Variants in CNBD1 observed in about 807,000 individuals in gnomAD.
CNBD1 encodes cyclic nucleotide binding domain containing 1, also known as cyclic nucleotide-binding domain-containing protein 1.
A neutral mutation model predicts 54.4 loss-of-function variants in CNBD1; 71 were observed. The ratio of observed to expected loss-of-function variants is 1.30; its 90% CI spans 1.08 to 1.59. The LOEUF is 1.59. Ranked by LOEUF, CNBD1 falls within the 40% of genes most tolerant of loss-of-function variation. CNBD1 has a pLI of 0.00. For synonymous variants in CNBD1, 182 were observed against 170.7 expected (o/e 1.07, Z -0.51); for missense variants, 659 against 518.0 (o/e 1.27, Z -2.64).
intron 8 of CNBD1, among the ~76,000 whole-genome samples, chr8:87,301,330 T>C (rs1238929875): frequency 6.6e-6 from 1 of 152,010 alleles, no homozygotes; most frequent in Non-Finnish European, 1.5e-5. Context: ...GAAAGAACCC[T>C]CCTTAATTTA....
intron 6 of CNBD1, among the ~76,000 whole-genome samples, chr8:87,242,147 C>T (rs898069853): frequency 6.6e-6 from 1 of 152,064 alleles, no homozygotes; most frequent in Non-Finnish European, 1.5e-5. Context: ...CATAAAATGC[C>T]AACATGACAG....
At chr8:86,987,325 A>G (rs1349255349) in intron 4 of CNBD1, among the ~76,000 whole-genome samples, 1 of 152,156 alleles carries the variant, frequency 6.6e-6, no homozygotes, top group Non-Finnish European at 1.5e-5. Context: ...CTTATTGGAC[A>G]TAGAAATGCT....
At chr8:87,381,949 ATATTG>A (rs1378170868) in intron 10 of CNBD1, among the ~76,000 whole-genome samples, 7 of 151,966 alleles carry the variant, frequency 4.6e-5, no homozygotes, top group Admixed American at 4.6e-4. Flanking sequence ...ATAGTCAACA[ATATTG>A]TATTGTACAC....
chr8:87,330,771 G>T (rs1338008555), intron 8 of CNBD1, among the ~76,000 whole-genome samples: 2 of 152,152 alleles, frequency 1.3e-5, no homozygotes, highest in African/African-American at 4.8e-5. Context: ...AATGGATTAA[G>T]TAGATTATAG....
intron 8 of CNBD1, among the ~76,000 whole-genome samples, chr8:87,304,402 T>C (rs952280023): frequency 4.6e-5 from 7 of 151,598 alleles, no homozygotes; most frequent in East Asian, 2.0e-4. Flanking sequence ...AACCAAACAC[T>C]GCATGTTCTC....
chr8:87,378,851 C>G (rs1217806940), intron 10 of CNBD1, among the ~76,000 whole-genome samples: 2 of 149,592 alleles, frequency 1.3e-5, no homozygotes, highest in Non-Finnish European at 3.0e-5. Context: ...TTGTAGTTCT[C>G]CTTGAAAAGG....
At chr8:87,107,680 G>C (rs1811570424) in intron 4 of CNBD1, among the ~76,000 whole-genome samples, 1 of 151,998 alleles carries the variant, frequency 6.6e-6, no homozygotes, top group Non-Finnish European at 1.5e-5. Context: ...ATAAATATTT[G>C]AGTGACTGCA....
chr8:87,112,737 G>C (rs1811689064), intron 4 of CNBD1, among the ~76,000 whole-genome samples: 1 of 131,216 alleles, frequency 7.6e-6, no homozygotes. Flanking sequence ...CATCATGCCA[G>C]GGACTATCAG....
intron 6 of CNBD1, among the ~76,000 whole-genome samples, chr8:87,249,112 T>G (rs1807863157): frequency 6.6e-6 from 1 of 152,160 alleles, no homozygotes; most frequent in South Asian, 2.1e-4. Context: ...TCTCTGCTAA[T>G]GTGAATCTGT....
At chr8:86,956,846 G>A (rs1462491811) in intron 4 of CNBD1, among the ~76,000 whole-genome samples, 2 of 152,144 alleles carry the variant, frequency 1.3e-5, no homozygotes, top group Non-Finnish European at 2.9e-5. Context: ...GATTGCCCTA[G>A]CCAGAACTTC....
chr8:87,344,198 A>G (rs1263974556), intron 8 of CNBD1, among the ~76,000 whole-genome samples: 1 of 152,100 alleles, frequency 6.6e-6, no homozygotes, highest in East Asian at 1.9e-4. Context: ...TTTCAAATGA[A>G]CTAGTTATTA....
intron 6 of CNBD1, among the ~76,000 whole-genome samples, chr8:87,250,800 G>A (rs146676474): frequency 6.6e-6 from 1 of 152,304 alleles, no homozygotes; most frequent in African/African-American, 2.4e-5. Context: ...ATAGTGAGTG[G>A]AATGATGTTT....
chr8:87,025,459 C>T (rs1472967574), intron 4 of CNBD1, among the ~76,000 whole-genome samples: 1 of 152,178 alleles, frequency 6.6e-6, no homozygotes, highest in Non-Finnish European at 1.5e-5. Flanking sequence ...AGACAACAAA[C>T]CCAGTGAGTG....
chr8:87,036,128 T>C (rs549448054), intron 4 of CNBD1, among the ~76,000 whole-genome samples: 247 of 152,296 alleles, frequency 1.6e-3, no homozygotes, highest in African/African-American at 5.6e-3. Context: ...TTTTATTTCT[T>C]GATTTTGCAA....
chr8:87,422,578 A>T (rs1202785466), intron 2 of CNBD1, among the ~76,000 whole-genome samples: 1 of 152,134 alleles, frequency 6.6e-6, no homozygotes, highest in African/African-American at 2.4e-5. Context: ...AAGATCAGAT[A>T]GTTGCAGATA....
At chr8:87,207,307 A>G (rs1243690403) in intron 5 of CNBD1, among the ~76,000 whole-genome samples, 2 of 152,154 alleles carry the variant, frequency 1.3e-5, no homozygotes, top group African/African-American at 2.4e-5. Context: ...ATATTTTGAT[A>G]TATCTATTAT....
chr8:87,142,371 T>C (rs969590645), intron 4 of CNBD1, among the ~76,000 whole-genome samples: 1 of 152,160 alleles, frequency 6.6e-6, no homozygotes, highest in Non-Finnish European at 1.5e-5. Flanking sequence ...TGCAGGTTTT[T>C]CCACAGATAA....
chr8:86,936,322 A>T (rs556574709), intron 3 of CNBD1, among the ~76,000 whole-genome samples: 1 of 152,348 alleles, frequency 6.6e-6, no homozygotes, highest in South Asian at 2.1e-4. Context: ...TTATAAAATT[A>T]AAAACTCCTA....
At chr8:87,337,293 T>A (rs66848476) in intron 8 of CNBD1, among the ~76,000 whole-genome samples, 7 of 152,010 alleles carry the variant, frequency 4.6e-5, no homozygotes, top group African/African-American at 1.5e-4. Flanking sequence ...TTATCAGAGC[T>A]AGGAGGAGGA....
Sources: gnomAD v4.1 joint callset for allele counts (sites outside exome capture counted in the v4.1 genomes callset) on GRCh38, gnomAD v4.1.1 for gene constraint, MANE v1.5 for transcripts, NCBI Gene and HGNC (gene_info 2026-07-23, HGNC 2026-07-21) for gene names.